Variants in PLEKHA7 observed in about 807,000 individuals in gnomAD.
The protein encoded by PLEKHA7 is pleckstrin homology domain-containing family A member 7.
In PLEKHA7, 104 loss-of-function variants were observed where a neutral mutation model predicts 170.0. The ratio of observed to expected loss-of-function variants is 0.61; its 90% CI spans 0.52 to 0.72. PLEKHA7 has a LOEUF of 0.72. Among genes scored for constraint, PLEKHA7 ranks in the 30% least tolerant of loss-of-function variants. PLEKHA7 has a pLI of 0.00. For synonymous variants in PLEKHA7, 648 were observed against 660.8 expected, an observed-to-expected ratio of 0.98 and a Z score of 0.30; for missense variants, 1,615 against 1,671.7, an observed-to-expected ratio of 0.97 and a Z score of 0.59.
At chr11:16,998,844 A>G (rs1435727242) in intron 3 of PLEKHA7, among the ~76,000 whole-genome samples, 4 of 55,922 alleles carry the variant, frequency 7.2e-5, no homozygotes, top group Middle Eastern at 0.02. Flanking sequence ...AATGTGTTGA[A>G]AAAAAAAAAT....
In PLEKHA7 at chr11:16,867,189, C is replaced by G. The variant is rs1397307117; in HGVS notation, c.305+3910G>C. On this transcript the variant is annotated intron_variant, in intron 4 of 26. Transcript: ENST00000531066. ...TGCCTAAATCAGTAGTTCTTAAACT[C>G]TTACCTGCATCAGAATCAACTGGAA... Among the ~76,000 whole-genome samples, 3 of 152,150 alleles carry G rather than the reference C, an allele frequency of 2.0e-5. No individual in the cohort carries two copies. The East Asian group carries it at 5.8e-4, about 29-fold the overall frequency.
At chr11:16,926,452 A>G (rs773335493) in intron 3 of PLEKHA7, among the ~76,000 whole-genome samples, 3 of 152,244 alleles carry the variant, frequency 2.0e-5, no homozygotes, top group Non-Finnish European at 4.4e-5. Context: ...AAGGGTTAGT[A>G]TATGCCAGGA....
At position 16,790,913 on chromosome 11, in the gene PLEKHA7, C is replaced by T. The variant is rs1847798948; in HGVS notation, c.2937G>A (p.Val979=). 6.2e-7 allele frequency: 1 copy of T among 1,613,428 alleles called. No individual in the cohort carries two copies. Among genetic ancestry groups the T allele is most frequent in the African/African-American group, 1.3e-5 (1 of 74,906 alleles). ...GCTCACTGACATACGACCGCAGCTCCACCTGTGGGCAGAGTCCCAGGTGAT... is the reference window on the plus strand; with the variant it reads ...GCTCACTGACATACGACCGCAGCTCTACCTGTGGGCAGAGTCCCAGGTGAT... ...LGQCVNGDSR[V]ELRSYVSEPE... is the part of the protein sequence containing the mutation. Residue 979 remains valine (V), a splice_region_variant and synonymous_variant, in exon 21 of 27, where the codon GTG becomes GTA. Transcript: ENST00000531066.
chr11:16,837,850 C>T (rs1373995217), intron 9 of PLEKHA7, among the ~76,000 whole-genome samples: 1 of 151,944 alleles, frequency 6.6e-6, no homozygotes, highest in Non-Finnish European at 1.5e-5. Flanking sequence ...CCTGAAAGTC[C>T]ACGATGGGGA....
intron 3 of PLEKHA7, among the ~76,000 whole-genome samples, chr11:16,874,204 A>T (rs968899240): frequency 2.0e-5 from 3 of 152,168 alleles, no homozygotes; most frequent in African/African-American, 7.2e-5. Context: ...CTTTGTTGAT[A>T]AATTATAAGA....
In PLEKHA7 at chr11:16,805,820, C is replaced by T. The variant is rs1433603149; in HGVS notation, c.2008-2525G>A. Among the ~76,000 whole-genome samples, 6 of 144,382 alleles carry T rather than the reference C, an allele frequency of 4.2e-5. 1 individual carries two copies. 94.7% of individuals were successfully genotyped at this position (144,382 alleles called of 152,430 possible). ...AAAAAAAAAAAAACAAAAACAAAAA[C>T]AAAAAAAACTGCTGCTTACTAGGTG... On this transcript the variant is annotated intron_variant, in intron 13 of 26. Coordinates refer to ENST00000531066, the MANE Select transcript of PLEKHA7 (RefSeq NM_001329630.2).
intron 12 of PLEKHA7, 81 bp from the exon 13 acceptor site, chr11:16,813,247 T>C: frequency 8.0e-7 from 1 of 1,253,842 alleles, no homozygotes; most frequent in South Asian, 1.2e-5. Context: ...TGTGAATTAT[T>C]TACATCGTGC....
intron 3 of PLEKHA7, among the ~76,000 whole-genome samples, chr11:16,948,637 G>C (rs982660456): frequency 1.8e-5 from 2 of 112,086 alleles, no homozygotes; most frequent in African/African-American, 6.2e-5. Context: ...CACACACACA[G>C]AGTGAAGGAG....
intron 6 of PLEKHA7, among the ~76,000 whole-genome samples, chr11:16,854,382 T>C (rs1022140718): frequency 6.6e-6 from 1 of 152,068 alleles, no homozygotes; most frequent in African/African-American, 2.4e-5. Context: ...GGTGGTACCA[T>C]TACTAAGATC....
At chr11:17,001,933 A>G (rs1864687851) in intron 3 of PLEKHA7, among the ~76,000 whole-genome samples, 1 of 152,214 alleles carries the variant, frequency 6.6e-6, no homozygotes, top group Non-Finnish European at 1.5e-5. Context: ...TGGCTGTGAT[A>G]TTGGAAATGC....
intron 3 of PLEKHA7, among the ~76,000 whole-genome samples, chr11:16,921,914 T>C (rs936236142): frequency 2.0e-5 from 3 of 152,234 alleles, no homozygotes; most frequent in African/African-American, 7.2e-5. Flanking sequence ...ATGTGACAGG[T>C]ATCCAGTTGC....
intron 3 of PLEKHA7, among the ~76,000 whole-genome samples, chr11:16,889,420 A>AAAAAAT (rs61086849): frequency 1.9e-4 from 14 of 74,682 alleles, no homozygotes; most frequent in Non-Finnish European, 2.6e-4. Context: ...AAAAAAAAAA[A>AAAAAAT]ATATATATAT....
chr11:16,911,343 A>G (rs557475190), intron 3 of PLEKHA7, among the ~76,000 whole-genome samples: 26 of 152,242 alleles, frequency 1.7e-4, no homozygotes, highest in Admixed American at 1.6e-3. Context: ...GACAGAAGCT[A>G]AGGGGCAGCT....
chr11:17,011,731 G>C (rs1387662799), intron 3 of PLEKHA7, among the ~76,000 whole-genome samples: 1 of 152,036 alleles, frequency 6.6e-6, no homozygotes, highest in Non-Finnish European at 1.5e-5. Context: ...CTAATCCCAT[G>C]GCCTTGAATA....
At chr11:16,903,468 G>A (rs1291599122) in intron 3 of PLEKHA7, among the ~76,000 whole-genome samples, 1 of 152,178 alleles carries the variant, frequency 6.6e-6, no homozygotes, top group South Asian at 2.1e-4. Flanking sequence ...GGTTCTCATT[G>A]ACCATCCATA....
rs1848823074 is a variant in PLEKHA7 at position 16,778,947 on chromosome 11, AGGAAGCT to A, written c.*44_*50del. ...GGGGGCAGAAAGGTCATCTCCTTGG[AGGAAGCT>A]GGTTCCACTGGGCCCCTGGCTCCAG... On this transcript the variant is annotated 3_prime_UTR_variant, in exon 27 of 27. Transcript: ENST00000531066. 6 of 702,556 alleles carry A rather than the reference AGGAAGCT, an allele frequency of 8.5e-6. No homozygotes were observed. The East Asian group carries it at 1.6e-4, about 19-fold the overall frequency. The allele number at this position is 702,556 out of a possible 1,614,324, so 43.5% of individuals were successfully genotyped here. A position where few individuals can be genotyped will look rare whatever the true frequency, so the allele number is the denominator to read the frequency against.
intron 3 of PLEKHA7, among the ~76,000 whole-genome samples, chr11:16,951,522 C>T (rs1861406563): frequency 6.6e-6 from 1 of 152,090 alleles, no homozygotes; most frequent in Non-Finnish European, 1.5e-5. Flanking sequence ...AATGCAAATA[C>T]GGAGGCCCAG....
intron 3 of PLEKHA7, among the ~76,000 whole-genome samples, 185 bp downstream of exon 3, chr11:17,013,804 A>C (rs1379238930): frequency 3.4e-5 from 5 of 149,232 alleles, no homozygotes; most frequent in Admixed American, 1.3e-4. Context: ...TGCGGCCCCC[A>C]CCGCCTTCCT....
intron 26 of PLEKHA7, chr11:16,781,026 T>TA: frequency 1.0e-6 from 1 of 986,220 alleles, no homozygotes; most frequent in Non-Finnish European, 1.2e-6. Context: ...AGGGGGCCTT[T>TA]AGGCGGGAGG....
Sources: gnomAD v4.1 joint callset for allele counts (sites outside exome capture counted in the v4.1 genomes callset) on GRCh38, gnomAD v4.1.1 for gene constraint, MANE v1.5 for transcripts, NCBI Gene and HGNC (gene_info 2026-07-23, HGNC 2026-07-21) for gene names.